Variants in NKAIN2 observed in about 807,000 individuals in gnomAD.
The protein encoded by NKAIN2 is sodium/potassium transporting ATPase interacting 2, also known as sodium/potassium-transporting ATPase subunit beta-1-interacting protein 2.
Under a neutral mutation model 32.6 loss-of-function variants are expected in NKAIN2, and 14 were observed. That is an observed-to-expected ratio of 0.43 (90% CI 0.28 to 0.67). The LOEUF (loss-of-function observed/expected upper bound fraction) is 0.67, where lower values mean the gene tolerates loss of function less well. NKAIN2 is among the 30% of genes least tolerant of loss of function. NKAIN2 has a pLI of 0.17. For missense variants in NKAIN2, 198 were observed against 258.3 expected (o/e 0.77, Z 1.60); for synonymous variants, 80 against 87.2 (o/e 0.92, Z 0.46).
chr6:124,195,012 G>A (rs1361078348), intron 1 of NKAIN2, among the ~76,000 whole-genome samples: 1 of 138,958 alleles, frequency 7.2e-6, no homozygotes, highest in African/African-American at 2.7e-5. Flanking sequence ...TTTTTTTTTA[G>A]TTTTAAAGTA....
chr6:124,747,969 C>T (rs1225767561), intron 4 of NKAIN2, among the ~76,000 whole-genome samples: 3 of 151,388 alleles, frequency 2.0e-5, no homozygotes, highest in Non-Finnish European at 2.9e-5. Flanking sequence ...TTTGCCAGTC[C>T]GTCACAATGA....
chr6:124,473,684 A>C (rs1027569275), intron 3 of NKAIN2, among the ~76,000 whole-genome samples: 1 of 152,164 alleles, frequency 6.6e-6, no homozygotes, highest in Non-Finnish European at 1.5e-5. Flanking sequence ...TCCATTGCTA[A>C]GGAATTAGAT....
At chr6:124,513,064 G>A (rs1268076059) in intron 3 of NKAIN2, among the ~76,000 whole-genome samples, 1 of 152,020 alleles carries the variant, frequency 6.6e-6, no homozygotes, top group African/African-American at 2.4e-5. Context: ...GGAGATAAAG[G>A]CAAAATGAAT....
chr6:124,529,192 G>A (rs191045620), intron 3 of NKAIN2, among the ~76,000 whole-genome samples: 3 of 152,100 alleles, frequency 2.0e-5, no homozygotes, highest in African/African-American at 4.8e-5. Context: ...TGACATTGAT[G>A]TATACAGAAC....
At chr6:124,137,264 G>A (rs1337990428) in intron 1 of NKAIN2, among the ~76,000 whole-genome samples, 1 of 151,420 alleles carries the variant, frequency 6.6e-6, no homozygotes, top group African/African-American at 2.4e-5. Flanking sequence ...TTCAACGACT[G>A]GAAAAAAGTA....
intron 3 of NKAIN2, among the ~76,000 whole-genome samples, chr6:124,376,528 T>C (rs1336577067): frequency 1.3e-5 from 2 of 152,120 alleles, no homozygotes; most frequent in Non-Finnish European, 2.9e-5. Context: ...GCAATATGTA[T>C]TTTCCCCAAG....
intron 1 of NKAIN2, among the ~76,000 whole-genome samples, chr6:124,021,799 T>C (rs1404109965): frequency 3.3e-5 from 5 of 152,136 alleles, no homozygotes; most frequent in Non-Finnish European, 7.4e-5. Context: ...TCTCCCCTGA[T>C]TGTACTGCCT....
chr6:124,305,234 A>C (rs780638642), intron 2 of NKAIN2, among the ~76,000 whole-genome samples: 4 of 152,192 alleles, frequency 2.6e-5, no homozygotes, highest in Admixed American at 6.5e-5. Flanking sequence ...ACTGAGCTTT[A>C]AGATTTCTGG....
chr6:124,605,525 G>A (rs1156688825), intron 3 of NKAIN2, among the ~76,000 whole-genome samples: 1 of 151,986 alleles, frequency 6.6e-6, no homozygotes, highest in East Asian at 1.9e-4. Context: ...AAGTCAGAGG[G>A]GAAAAGACCG....
At chr6:124,422,028 TAGG>T (rs2114535992) in intron 3 of NKAIN2, among the ~76,000 whole-genome samples, 1 of 152,108 alleles carries the variant, frequency 6.6e-6, no homozygotes, top group Non-Finnish European at 1.5e-5. Flanking sequence ...ATAATTGAAT[TAGG>T]AGGGAGGATG....
chr6:123,898,565 T>C (rs1562246113), intron 1 of NKAIN2, among the ~76,000 whole-genome samples: 1 of 151,608 alleles, frequency 6.6e-6, no homozygotes, highest in African/African-American at 2.4e-5. Flanking sequence ...TTTTTTTTTT[T>C]TTTATTTCCT....
At chr6:123,956,707 G>A (rs1421011225) in intron 1 of NKAIN2, among the ~76,000 whole-genome samples, 3 of 152,184 alleles carry the variant, frequency 2.0e-5, no homozygotes, top group Non-Finnish European at 4.4e-5. Flanking sequence ...CCAGTTCTGA[G>A]TCAGGAGATT....
chr6:124,002,548 A>G (rs1212697707), intron 1 of NKAIN2, among the ~76,000 whole-genome samples: 1 of 151,858 alleles, frequency 6.6e-6, no homozygotes, highest in South Asian at 2.1e-4. Flanking sequence ...CACCCTGCAT[A>G]TTATCACCAA....
intron 4 of NKAIN2, 82 bp downstream of exon 4, chr6:124,658,468 A>G: frequency 6.2e-7 from 1 of 1,603,638 alleles, no homozygotes; most frequent in Non-Finnish European, 8.5e-7. Context: ...CACAAATGGA[A>G]TCTGTGGGTA....
intron 3 of NKAIN2, among the ~76,000 whole-genome samples, chr6:124,407,369 CTG>C (rs894013396): frequency 2.7e-5 from 4 of 149,518 alleles, no homozygotes; most frequent in African/African-American, 9.9e-5. Flanking sequence ...CAACCATCCC[CTG>C]TGTGTGATAT....
chr6:124,458,377 A>G (rs1776401804), intron 3 of NKAIN2, among the ~76,000 whole-genome samples: 1 of 151,954 alleles, frequency 6.6e-6, no homozygotes, highest in South Asian at 2.1e-4. Context: ...ATTGAAAACT[A>G]TACTATTGTT....
rs115213496 is a variant in NKAIN2, at chr6:124,406,692, T to G, written c.273+51345T>G. ...GCAAAACAGTTGTACCATTTTACGT[T>G]CTTACAAGTAGCATATGAGAATCAG... On this transcript the variant is annotated intron_variant, in intron 3 of 6. Coordinates refer to ENST00000368417, the MANE Select transcript of NKAIN2 (RefSeq NM_001040214.3). Among the ~76,000 whole-genome samples, 727 of 152,236 alleles carry G rather than the reference T, an allele frequency of 4.8e-3. 6 individuals are homozygous for G. Among genetic ancestry groups the G allele is most frequent in the African/African-American group, 0.016 (683 of 41,566 alleles).
intron 4 of NKAIN2, among the ~76,000 whole-genome samples, chr6:124,695,736 A>G (rs1234416358): frequency 6.6e-6 from 1 of 152,178 alleles, no homozygotes; most frequent in Non-Finnish European, 1.5e-5. Context: ...AACTCGGCTA[A>G]AGTAGGAGGG....
chr6:123,806,660 A>T (rs1466408927), intron 1 of NKAIN2, among the ~76,000 whole-genome samples: 1 of 151,986 alleles, frequency 6.6e-6, no homozygotes, highest in Admixed American at 6.6e-5. Context: ...CTAAGTTATG[A>T]CTCATGTACC....
Sources: gnomAD v4.1 joint callset for allele counts (sites outside exome capture counted in the v4.1 genomes callset) on GRCh38, gnomAD v4.1.1 for gene constraint, MANE v1.5 for transcripts, NCBI Gene and HGNC (gene_info 2026-07-23, HGNC 2026-07-21) for gene names.